The following RTL9 variants were observed in gnomAD, a reference collection of about 807,000 sequenced individuals.
RTL9 encodes retrotransposon Gag like 9.
RTL9 carries 19 observed loss-of-function variants against 44.7 expected under a neutral mutation model. That is an observed-to-expected ratio of 0.42 (90% CI 0.30 to 0.62). RTL9 has a LOEUF of 0.62. RTL9 is among the 20% of genes least tolerant of loss of function. The pLI is 0.16. For missense variants in RTL9, 1,105 were observed against 1,080.6 expected, an observed-to-expected ratio of 1.02 and a Z score of -0.32; for synonymous variants, 407 against 398.9, an observed-to-expected ratio of 1.02 and a Z score of -0.24.
intron 1 of RTL9, among the ~76,000 whole-genome samples, chrX:110,375,763 A>G (rs2068372148): frequency 1.8e-5 from 2 of 112,333 alleles, no homozygotes; most frequent in South Asian, 3.7e-4. Flanking sequence ...GGGTGAAATC[A>G]TAAGTGGGCT....
intron 1 of RTL9, among the ~76,000 whole-genome samples, chrX:110,407,218 T>C (rs2068608977): frequency 1.8e-5 from 2 of 112,375 alleles, no homozygotes; most frequent in African/African-American, 6.5e-5. Context: ...AAAGATTTTC[T>C]TTGTGGAATG....
intron 1 of RTL9, among the ~76,000 whole-genome samples, chrX:110,428,643 C>G (rs2068772091): frequency 9.0e-6 from 1 of 111,067 alleles, no homozygotes; most frequent in Admixed American, 9.6e-5. Flanking sequence ...CACAGTCACC[C>G]TATCCCTCCC....
At chrX:110,432,123 A>C (rs2148332157) in intron 1 of RTL9, among the ~76,000 whole-genome samples, 1 of 112,177 alleles carries the variant, frequency 8.9e-6, no homozygotes, top group Admixed American at 9.3e-5. Flanking sequence ...GAGAAGAGTT[A>C]AGAGGGGATC....
chrX:110,442,523 A>G (rs530803510), intron 1 of RTL9, among the ~76,000 whole-genome samples: 172 of 111,143 alleles, frequency 1.5e-3, no homozygotes, highest in African/African-American at 5.3e-3. Flanking sequence ...TTAGGGTTAT[A>G]TCTTGTTTTT....
exon 2 of RTL9, chrX:110,455,483 C>A: frequency 1.7e-6 from 1 of 572,278 alleles, no homozygotes; most frequent in Non-Finnish European, 2.7e-6. Context: ...GCTGATTTGA[C>A]CTTCTCTTTC....
At chrX:110,450,328 G>A (rs1219764098), upstream of RTL9, among the ~76,000 whole-genome samples, 2 of 111,525 alleles carry the variant, frequency 1.8e-5, no homozygotes. Flanking sequence ...GGCTGCTGGC[G>A]TTTATAGCAT....
At chrX:110,399,969 C>T (rs1025296099) in intron 1 of RTL9, among the ~76,000 whole-genome samples, 5 of 111,389 alleles carry the variant, frequency 4.5e-5, no homozygotes, top group Admixed American at 2.9e-4. Flanking sequence ...ACAGGGATCA[C>T]ATTTCAACGG....
exon 1 of RTL9, chrX:110,452,242 G>A: frequency 4.1e-6 from 5 of 1,211,607 alleles, no homozygotes; most frequent in Non-Finnish European, 5.6e-6. Flanking sequence ...CTGCAAATGA[G>A]AGCCCCTGTC....
At chrX:110,395,297 G>A (rs2068521259) in intron 1 of RTL9, among the ~76,000 whole-genome samples, 2 of 112,034 alleles carry the variant, frequency 1.8e-5, no homozygotes, top group African/African-American at 6.5e-5. Context: ...ACCATTGCAT[G>A]CTTCATCACC....
intron 1 of RTL9, among the ~76,000 whole-genome samples, chrX:110,385,664 T>A (rs1311670230): frequency 8.9e-6 from 1 of 112,106 alleles, no homozygotes; most frequent in Non-Finnish European, 1.9e-5. Context: ...AACTGTCTTT[T>A]AAAAAATTGC....
rs766385379 is a variant in RTL9 at position 110,451,531 on chromosome X, G to A, written c.914G>A (p.Gly305Glu). ...CCGCTCATGTCAGATCTAGACTCTGGAATAATGTCATCGCTTTTAATGTCA... is the reference window on the plus strand; with the variant it reads ...CCGCTCATGTCAGATCTAGACTCTGAAATAATGTCATCGCTTTTAATGTCA... The change falls in exon 1 of 2, where the codon GGA becomes GAA. Residue 305 changes from glycine (G) to glutamate (E), a missense_variant. Coordinates refer to ENST00000540313, the Ensembl canonical transcript of RTL9. The A allele has an allele frequency of 1.3e-5, 16 of 1,211,822 alleles. No homozygotes were observed. In the Admixed American group the frequency reaches 1.7e-4, roughly 13 times the overall value.
At chrX:110,379,533 T>C (rs1037658648) in intron 1 of RTL9, among the ~76,000 whole-genome samples, 7 of 111,957 alleles carry the variant, frequency 6.3e-5, no homozygotes, top group Middle Eastern at 4.6e-3. Context: ...GTGACTCAAC[T>C]TCCCAAGCAT....
At chrX:110,447,059 T>C (rs2068911870), upstream of RTL9, among the ~76,000 whole-genome samples, 1 of 104,217 alleles carries the variant, frequency 9.6e-6, no homozygotes, top group East Asian at 2.9e-4. Flanking sequence ...GTGTTAATAA[T>C]AATAATAGTA....
chrX:110,414,272 C>T (rs2068661758), upstream of RTL9, among the ~76,000 whole-genome samples: 7 of 112,359 alleles, frequency 6.2e-5, no homozygotes, highest in Admixed American at 6.6e-4. Context: ...CTAAACAATC[C>T]TTCTAAGTAA....
chrX:110,397,324 T>C (rs775125855), intron 1 of RTL9, among the ~76,000 whole-genome samples: 36 of 111,325 alleles, frequency 3.2e-4, no homozygotes, highest in Non-Finnish European at 5.5e-4. Context: ...AAGGAATCAT[T>C]GCTGTTGGCT....
chrX:110,446,692 A>G (rs1456376148), upstream of RTL9, among the ~76,000 whole-genome samples: 1 of 111,494 alleles, frequency 9.0e-6, no homozygotes, highest in East Asian at 2.8e-4. Context: ...AGAAATCTAC[A>G]TATTTATCTT....
At chrX:110,401,109 G>T (rs1344997420) in intron 1 of RTL9, among the ~76,000 whole-genome samples, 1 of 112,325 alleles carries the variant, frequency 8.9e-6, no homozygotes, top group Non-Finnish European at 1.9e-5. Flanking sequence ...GGAAAATTCA[G>T]ACCAGTGACT....
chrX:110,415,494 G>A (rs2068670816), upstream of RTL9, among the ~76,000 whole-genome samples: 1 of 111,396 alleles, frequency 9.0e-6, no homozygotes, highest in Admixed American at 9.6e-5. Flanking sequence ...AGACATTGTA[G>A]AAATGGAATT....
intron 1 of RTL9, among the ~76,000 whole-genome samples, chrX:110,362,050 A>T (rs2068267233): frequency 8.9e-6 from 1 of 112,055 alleles, no homozygotes; most frequent in African/African-American, 3.2e-5. Context: ...TGTATCTCCA[A>T]CATCTAGAAT....
Sources: allele counts gnomAD v4.1 joint callset (sites outside exome capture counted in the v4.1 genomes callset), GRCh38; gene constraint gnomAD v4.1.1; transcripts MANE v1.5; gene names NCBI Gene and HGNC (gene_info 2026-07-23, HGNC 2026-07-21).